USH2A: variants seen among roughly 807,000 people sequenced by gnomAD.
The protein encoded by USH2A is usherin.
A neutral mutation model predicts 538.9 loss-of-function variants in USH2A; 443 were observed. That is an observed-to-expected ratio of 0.82 (90% CI 0.76 to 0.89). The LOEUF is 0.89. Ranked by LOEUF, USH2A falls within the 40% of genes least tolerant of loss-of-function variation. USH2A has a pLI of 0.00. For synonymous variants in USH2A, 2,413 were observed against 2,273.5 expected (o/e 1.06, Z -1.75); for missense variants, 6,633 against 6,324.8 (o/e 1.05, Z -1.65).
At chr1:216,383,013 A>G (rs77127285) in intron 3 of USH2A, among the ~76,000 whole-genome samples, 3,072 of 152,276 alleles carry the variant, frequency 0.02, 107 homozygotes, top group African/African-American at 0.068. Flanking sequence ...CATATTCTCA[A>G]GAAAACAAAG....
chr1:215,964,402 A>T (rs970918892), intron 37 of USH2A, among the ~76,000 whole-genome samples: 1 of 151,822 alleles, frequency 6.6e-6, no homozygotes, highest in African/African-American at 2.4e-5. Context: ...ACAAATAACC[A>T]CCCTTTTCAA....
chr1:215,946,646 T>G (rs1435822433), intron 37 of USH2A, among the ~76,000 whole-genome samples: 1 of 152,212 alleles, frequency 6.6e-6, no homozygotes, highest in Non-Finnish European at 1.5e-5. Flanking sequence ...ATCTTATACA[T>G]GTGTTCTAAA....
At chr1:215,796,476 G>GAATCA (rs1662140359) in intron 50 of USH2A, among the ~76,000 whole-genome samples, 1 of 150,590 alleles carries the variant, frequency 6.6e-6, no homozygotes, top group Non-Finnish European at 1.5e-5. Flanking sequence ...GACCTTTGAT[G>GAATCA]TTACTATGGT....
At chr1:216,090,958 G>A (rs531508583) in intron 22 of USH2A, among the ~76,000 whole-genome samples, 1 of 152,228 alleles carries the variant, frequency 6.6e-6, no homozygotes, top group South Asian at 2.1e-4. Context: ...CTGAATAAGT[G>A]GTTCTTCATA....
chr1:216,200,247 G>T (rs1030405253), intron 16 of USH2A, 126 bp from the exon 17 acceptor site: 13 of 1,012,346 alleles, frequency 1.3e-5, no homozygotes, highest in Admixed American at 1.1e-4. Context: ...TTTGATTAAG[G>T]ATACATTTCA....
At chr1:216,412,034 C>T (rs2039498357) in intron 3 of USH2A, among the ~76,000 whole-genome samples, 1 of 152,074 alleles carries the variant, frequency 6.6e-6, no homozygotes, top group Non-Finnish European at 1.5e-5. Context: ...ATTGCTTATC[C>T]TCTGAAGAGA....
intron 65 of USH2A, 65 bp downstream of exon 65, chr1:215,650,527 C>CAA (rs1657022997): frequency 6.3e-7 from 1 of 1,592,086 alleles, no homozygotes; most frequent in Admixed American, 1.7e-5. Context: ...AACATAAAAA[C>CAA]AAAGGTTTCA....
intron 67 of USH2A, among the ~76,000 whole-genome samples, chr1:215,645,792 AG>A (rs1045111465): frequency 5.2e-4 from 79 of 152,362 alleles, no homozygotes; most frequent in Middle Eastern, 3.4e-3. Context: ...TAGTATCCAA[AG>A]CCTTAAAATA....
chr1:215,641,010 G>T (rs1168850327), intron 67 of USH2A, among the ~76,000 whole-genome samples: 1 of 151,812 alleles, frequency 6.6e-6, no homozygotes, highest in Admixed American at 6.6e-5. Context: ...ATAGAGAGTG[G>T]TGTTTTATAA....
chr1:215,987,364 C>T (rs1490572194), intron 35 of USH2A, among the ~76,000 whole-genome samples: 2 of 152,178 alleles, frequency 1.3e-5, no homozygotes, highest in African/African-American at 4.8e-5. Context: ...ACAAAGGAAG[C>T]GTCAAGGTCC....
At chr1:215,917,753 G>C (rs1371731520) in intron 38 of USH2A, among the ~76,000 whole-genome samples, 1 of 121,796 alleles carries the variant, frequency 8.2e-6, no homozygotes, top group Non-Finnish European at 1.6e-5. Context: ...AGACGAGTCT[G>C]AGTAACATAG....
chr1:216,025,412 G>T (rs1668939220), intron 32 of USH2A, among the ~76,000 whole-genome samples: 1 of 148,320 alleles, frequency 6.7e-6, no homozygotes, highest in South Asian at 2.1e-4. Flanking sequence ...TTCTGAATTA[G>T]TCTCTGATAG....
At chr1:216,355,311 G>GAAAGAAAGAAAGAAAGAAAGAAAGAAAT in intron 4 of USH2A, among the ~76,000 whole-genome samples, 3 of 25,230 alleles carry the variant, frequency 1.2e-4, no homozygotes, top group African/African-American at 2.3e-4. Context: ...GCTTCAAAAA[G>GAAAGAAAGAAAGAAAGAAAGAAAGAAAT]AAAGAAAGAA....
chr1:216,312,039 A>ATT (rs1346886731), intron 9 of USH2A, among the ~76,000 whole-genome samples: 1 of 151,748 alleles, frequency 6.6e-6, no homozygotes, highest in Non-Finnish European at 1.5e-5. Flanking sequence ...GACCTGTATC[A>ATT]TTTTTTCTCT....
chr1:215,695,769 T>TTTGTTTG, intron 61 of USH2A, among the ~76,000 whole-genome samples: 1 of 148,496 alleles, frequency 6.7e-6, no homozygotes, highest in Admixed American at 6.7e-5. Flanking sequence ...TTGTTTGTTT[T>TTTGTTTG]TTGAGACAGA....
Position 215,902,312 on chromosome 1 carries a change from T to A in USH2A, c.7301-1407A>T, listed in dbSNP as rs112384919. Among the ~76,000 whole-genome samples the A allele has an allele frequency of 3.5e-3, 527 of 152,312 alleles. 1 individual carries two copies. Among genetic ancestry groups the A allele is most frequent in the Non-Finnish European group, 6.1e-3 (417 of 68,024 alleles). ...AGCTGTCTGTGAACAATGAGGCTAA[T>A]GAATGACCAGTGATGAGAACAGAAG... On this transcript the variant is annotated intron_variant, in intron 38 of 71. Transcript: ENST00000307340.
chr1:215,899,311 A>C (rs1665430691), intron 40 of USH2A, among the ~76,000 whole-genome samples: 1 of 152,198 alleles, frequency 6.6e-6, no homozygotes, highest in African/African-American at 2.4e-5. Flanking sequence ...AAGACTTCAC[A>C]AGATTAACTC....
In USH2A at chr1:215,905,254, G is replaced by A. The variant is rs574544064; in HGVS notation, c.7301-4349C>T. 2.0e-5 allele frequency among the ~76,000 whole-genome samples: 3 copies of A among 152,152 alleles called. No individual in the cohort carries two copies. The South Asian group carries it at 6.2e-4, about 32-fold the overall frequency. On this transcript the variant is annotated intron_variant, in intron 38 of 71. Coordinates refer to ENST00000307340, the MANE Select transcript of USH2A (RefSeq NM_206933.4). ...ATTCACTGTGCTTTCCATATGCACT[G>A]AATTCTTTCTCAGGACATCCCACCA...
At position 215,888,740 on chromosome 1, in the gene USH2A, G is replaced by A. The variant is rs759838597; in HGVS notation, c.7909C>T (p.Pro2637Ser). The change falls in exon 41 of 72, where the codon CCA becomes TCA. Residue 2637 changes from proline to serine, a missense_variant. Physicochemically the swap from Pro to Ser is moderately conservative, Grantham distance 74. Coordinates refer to ENST00000307340, the MANE Select transcript of USH2A (RefSeq NM_206933.4). ...TGCCAAGATATAATCACAGATGTTG[G>A]AGTATCAGAGAACAGCTCTGGACTT... is the stretch of plus-strand genomic sequence containing the variant. The part of the protein sequence containing the change: ...IPSPELFSDT[P>S]TSVIISWQPP... 3 of 1,614,030 alleles carry A rather than the reference G, an allele frequency of 1.9e-6. No homozygotes were observed. The highest frequency in any genetic ancestry group is 2.5e-6 in the Non-Finnish European group (3 of 1,180,030).
Sources: allele counts gnomAD v4.1 joint callset (sites outside exome capture counted in the v4.1 genomes callset), GRCh38; gene constraint gnomAD v4.1.1; transcripts MANE v1.5; gene names NCBI Gene and HGNC (gene_info 2026-07-23, HGNC 2026-07-21).